ANKRD11: variants seen among roughly 807,000 people sequenced by gnomAD.
ANKRD11 encodes the protein ankyrin repeat domain-containing protein 11.
ANKRD11 carries 17 observed loss-of-function variants against 195.7 expected under a neutral mutation model. The ratio of observed to expected loss-of-function variants is 0.09; its 90% confidence interval spans 0.06 to 0.13. The LOEUF (loss-of-function observed/expected upper bound fraction) is 0.13. Ranked by LOEUF, ANKRD11 falls within the 10% of genes least tolerant of loss-of-function variation. The probability of loss-of-function intolerance (pLI) is 1.00; values close to 1 mark genes in which losing one functional copy is unlikely to be tolerated. For synonymous variants in ANKRD11, 1,953 were observed against 1,528.1 expected (o/e 1.28, Z -6.49); for missense variants, 3,735 against 3,566.1 (o/e 1.05, Z -1.21).
At position 89,284,799 on chromosome 16, in the gene ANKRD11, A is replaced by G. The variant is rs2034528913; in HGVS notation, c.1743T>C (p.Ser581=). The G allele has an allele frequency of 1.2e-6, 2 of 1,613,536 alleles. No individual in the cohort carries two copies. The highest frequency in any genetic ancestry group is 1.7e-6 in the Non-Finnish European group (2 of 1,180,020). The change falls in exon 9 of 13, where the codon TCT becomes TCC. Residue 581 remains serine, a synonymous_variant. Coordinates refer to ENST00000301030, the MANE Select transcript of ANKRD11 (RefSeq NM_013275.6). ...TCAGCGATTCCACACTGGAGCCCTCAGAGGAGTAGTCAGACTCGCTTGTCA... is the reference window on the plus strand; with the variant it reads ...TCAGCGATTCCACACTGGAGCCCTCGGAGGAGTAGTCAGACTCGCTTGTCA... ...TRLTSESDYS[S]EGSSVESLKP...
At chr16:89,415,387 C>T (rs1250494011) in intron 2 of ANKRD11, among the ~76,000 whole-genome samples, 1 of 150,408 alleles carries the variant, frequency 6.6e-6, no homozygotes, top group African/African-American at 2.5e-5. Context: ...GCCTCAGCCT[C>T]CCGAGTAGCT....
intron 1 of ANKRD11, among the ~76,000 whole-genome samples, chr16:89,463,059 GC>G (rs377250138): frequency 0.54 from 78,759 of 145,486 alleles, 21,221 homozygotes; most frequent in Middle Eastern, 0.64. Flanking sequence ...GGGGGGGTCA[GC>G]CCCCCCGCCC....
chr16:89,300,955 C>T (rs745836821), intron 4 of ANKRD11: 4 of 689,794 alleles, frequency 5.8e-6, no homozygotes, highest in South Asian at 1.5e-5. Context: ...AGCAGGACCC[C>T]GGCGGTCCTA....
At chr16:89,431,491 G>GA (rs1748488612) in intron 1 of ANKRD11, among the ~76,000 whole-genome samples, 1 of 152,124 alleles carries the variant, frequency 6.6e-6, no homozygotes, top group African/African-American at 2.4e-5. Flanking sequence ...TTTCTTGTGA[G>GA]AAACATGGAA....
chr16:89,479,358 C>T (rs1033357309), intron 1 of ANKRD11, among the ~76,000 whole-genome samples: 3 of 152,036 alleles, frequency 2.0e-5, no homozygotes, highest in East Asian at 1.9e-4. Context: ...CTAGGCCTGG[C>T]GCAGTGGCTC....
chr16:89,469,433 G>C (rs999390888), intron 1 of ANKRD11, among the ~76,000 whole-genome samples: 1 of 151,914 alleles, frequency 6.6e-6, no homozygotes, highest in Non-Finnish European at 1.5e-5. Context: ...GTGTTGCCCA[G>C]GATGGTGTCA....
intron 7 of ANKRD11, chr16:89,287,790 G>A (rs2034751966): frequency 5.1e-6 from 1 of 197,748 alleles, no homozygotes; most frequent in Non-Finnish European, 1.0e-5. Context: ...GCTCTTTAAG[G>A]CCAAGGCACT....
chr16:89,476,919 T>C (rs991342291), intron 1 of ANKRD11, among the ~76,000 whole-genome samples: 2 of 152,152 alleles, frequency 1.3e-5, no homozygotes, highest in African/African-American at 4.8e-5. Flanking sequence ...CACACGTTTA[T>C]ACACGGGCAC....
chr16:89,271,652 C>G (rs1451897413), intron 11 of ANKRD11: 1 of 154,222 alleles, frequency 6.5e-6, no homozygotes, highest in African/African-American at 2.4e-5. Context: ...AGGGAAAGGA[C>G]AGTCTCTTCC....
intron 2 of ANKRD11, among the ~76,000 whole-genome samples, chr16:89,328,251 C>A (rs182025479): frequency 4.1e-4 from 63 of 152,278 alleles, no homozygotes; most frequent in African/African-American, 1.5e-3. Context: ...GCTGTGGGAA[C>A]GCAAAGTGGT....
intron 2 of ANKRD11, among the ~76,000 whole-genome samples, chr16:89,340,265 T>C (rs1407932453): frequency 1.3e-5 from 2 of 152,252 alleles, no homozygotes; most frequent in African/African-American, 2.4e-5. Flanking sequence ...GGCAGATGTC[T>C]TCTGTTGTAA....
intron 4 of ANKRD11, among the ~76,000 whole-genome samples, chr16:89,297,280 C>A (rs891302765): frequency 6.6e-6 from 1 of 152,246 alleles, no homozygotes; most frequent in South Asian, 2.1e-4. Context: ...CCGTAAAACT[C>A]GAAGACGTCA....
rs191797976 is a variant in ANKRD11, at chr16:89,275,375, C to A, written c.7471-184G>T. Among the ~76,000 whole-genome samples, 1,077 of 152,324 alleles carry A rather than the reference C, an allele frequency of 7.1e-3. 12 individuals carry two copies. The highest frequency in any genetic ancestry group is 0.025 in the African/African-American group (1,043 of 41,574). On this transcript the variant is annotated intron_variant, in intron 9 of 12. Coordinates refer to ENST00000301030, the MANE Select transcript of ANKRD11 (RefSeq NM_013275.6). ...TCTAGAAACCACTATGTGCTGGACG[C>A]GGGAGAGCGGACACCTCCACGGTGC...
At chr16:89,354,453 G>T (rs1383650051) in intron 2 of ANKRD11, among the ~76,000 whole-genome samples, 2 of 152,202 alleles carry the variant, frequency 1.3e-5, no homozygotes, top group Non-Finnish European at 2.9e-5. Context: ...TGCAGAGCCA[G>T]CCCACCTCCC....
rs61741725 is a variant in ANKRD11 at position 89,282,720 on chromosome 16, G to C, written c.3822C>G (p.Ala1274=). The change falls in exon 9 of 13, where the codon GCC becomes GCG. Residue 1274 remains alanine, a synonymous_variant. Transcript: ENST00000301030. ...HSKERKSSRS[A]DAEKSLLEKL... is the part of the protein sequence containing the mutation. ...TTTCAAGCAGGCTTTTTTCCGCGTC[G>C]GCACTTCTCGAGGACTTCCTCTCCT... is the stretch of plus-strand genomic sequence containing the variant. 1.9e-6 allele frequency: 3 copies of C among 1,613,620 alleles called. No individual in the cohort carries two copies. The African/African-American group carries it at 4.0e-5, about 22-fold the overall frequency.
intron 2 of ANKRD11, among the ~76,000 whole-genome samples, chr16:89,369,497 T>A (rs1249909749): frequency 6.6e-6 from 1 of 152,192 alleles, no homozygotes; most frequent in African/African-American, 2.4e-5. Context: ...CTCTGCCGTA[T>A]CAGACACAAA....
intron 2 of ANKRD11, among the ~76,000 whole-genome samples, chr16:89,398,442 A>G (rs2041554979): frequency 7.3e-6 from 1 of 136,604 alleles, no homozygotes; most frequent in African/African-American, 2.9e-5. Context: ...GGACACTGTG[A>G]AACAGCTGAA....
intron 1 of ANKRD11, among the ~76,000 whole-genome samples, chr16:89,445,062 T>C (rs953470137): frequency 2.6e-5 from 4 of 152,152 alleles, no homozygotes; most frequent in African/African-American, 9.7e-5. Flanking sequence ...AGCATCCAGG[T>C]GTGCTGGCCC....
chr16:89,486,720 T>C lies in ANKRD11; in HGVS notation c.-145+3525A>G, dbSNP rs941894089. 2.6e-5 allele frequency among the ~76,000 whole-genome samples: 4 copies of C among 152,012 alleles called. No homozygotes were observed. In the East Asian group the frequency reaches 5.8e-4, roughly 22 times the overall value. Reference sequence around the variant, plus strand: ...TGGGACGTTATCATAAAAATAACATTTGAGGCCAGGCATGGTGGCTCACGT... The same window carrying C: ...TGGGACGTTATCATAAAAATAACATCTGAGGCCAGGCATGGTGGCTCACGT... On this transcript the variant is annotated intron_variant, in intron 1 of 12. Coordinates refer to ENST00000301030, the MANE Select transcript of ANKRD11 (RefSeq NM_013275.6).
Sources: allele counts gnomAD v4.1 joint callset (sites outside exome capture counted in the v4.1 genomes callset), GRCh38; gene constraint gnomAD v4.1.1; transcripts MANE v1.5; gene names NCBI Gene and HGNC (gene_info 2026-07-23, HGNC 2026-07-21).